Variants in WNT11 observed in about 807,000 individuals in gnomAD.
WNT11 encodes the protein Wnt family member 11.
In WNT11, 20 loss-of-function variants were observed where a neutral mutation model predicts 35.6. The ratio of observed to expected loss-of-function variants is 0.56; its 90% CI spans 0.40 to 0.82. The LOEUF is 0.82. WNT11 is among the 40% of genes least tolerant of loss of function. The pLI is 0.00. For missense variants in WNT11, 459 were observed against 504.4 expected, an observed-to-expected ratio of 0.91 and a Z score of 0.86; for synonymous variants, 200 against 211.9, an observed-to-expected ratio of 0.94 and a Z score of 0.49.
At chr11:76,210,426 C>T, upstream of WNT11, 2 of 985,352 alleles carry the variant, frequency 2.0e-6, no homozygotes, top group South Asian at 4.7e-5. Context: ...CCAGCCCTGG[C>T]GGGTCCCCGC....
chr11:76,194,960 G>A lies in WNT11; in HGVS notation c.320-116C>T. On this transcript the variant is annotated intron_variant, in intron 2 of 4. Coordinates refer to ENST00000322563, the MANE Select transcript of WNT11 (RefSeq NM_004626.3). The surrounding 1 kb of genome is among the most constrained non-coding windows in gnomAD (Gnocchi z 5.4). ...TGTAACCAAGGTGACGCCAGCAGGG[G>A]TCGGCACTAGGGCCATTGAGATGTC... is the stretch of plus-strand genomic sequence containing the variant. 1 of 1,279,414 alleles carries A rather than the reference G, an allele frequency of 7.8e-7. No homozygotes were observed. The highest frequency in any genetic ancestry group is 1.6e-5 in the South Asian group (1 of 63,616). 79.3% of individuals were successfully genotyped at this position (1,279,414 alleles called of 1,614,324 possible).
At chr11:76,199,874 T>G (rs540464900) in intron 1 of WNT11, among the ~76,000 whole-genome samples, 2 of 152,040 alleles carry the variant, frequency 1.3e-5, no homozygotes, top group South Asian at 4.2e-4. Context: ...CCAGACGGAG[T>G]GAGAAGGCCT....
Position 76,194,807 on chromosome 11 carries a change from G to C in WNT11, c.357C>G (p.Ala119=), listed in dbSNP as rs149594594. The change falls in exon 3 of 5, where the codon GCC becomes GCG. Residue 119 remains alanine (A), a synonymous_variant. Coordinates refer to ENST00000322563, the MANE Select transcript of WNT11 (RefSeq NM_004626.3). This position sits in a 1 kb window ranked among gnomAD's most constrained non-coding sequence, Gnocchi z 5.4. The stretch of plus-strand genomic sequence containing the variant: ...GGGCGATGGCGTGGCTGATGGCGGC[G>C]GCCGACAGCGCATACACGAAGGCCG... ...RESAFVYALS[A]AAISHAIARA... is the part of the protein sequence containing the mutation. 1,071 of 1,546,888 alleles carry C rather than the reference G, an allele frequency of 6.9e-4. 8 individuals are homozygous for C. In the African/African-American group the frequency reaches 0.013, roughly 19 times the overall value.
chr11:76,205,227 G>A (rs1257386954), intron 1 of WNT11, among the ~76,000 whole-genome samples: 1 of 152,188 alleles, frequency 6.6e-6, no homozygotes, highest in African/African-American at 2.4e-5. Context: ...TGCTGGCGGC[G>A]CAGCCACTAT....
chr11:76,188,191 G>T (rs1031431993), intron 4 of WNT11, among the ~76,000 whole-genome samples: 14 of 152,234 alleles, frequency 9.2e-5, no homozygotes, highest in African/African-American at 1.9e-4. Flanking sequence ...TGTGGGTCAG[G>T]CTCTCCCTCC....
intron 4 of WNT11, 86 bp downstream of exon 4, chr11:76,191,478 T>A: frequency 6.9e-7 from 1 of 1,445,544 alleles, no homozygotes; most frequent in Non-Finnish European, 9.5e-7. Context: ...GCCACCTGAG[T>A]CCCTGCTGTG....
intron 3 of WNT11, among the ~76,000 whole-genome samples, chr11:76,192,231 G>C (rs1953197034): frequency 6.6e-6 from 1 of 152,186 alleles, no homozygotes; most frequent in African/African-American, 2.4e-5. Flanking sequence ...CATGCCCAAG[G>C]GTGCAGATAG....
At chr11:76,206,269 G>A (rs1015057690) in intron 1 of WNT11, 56 bp downstream of exon 1, 2 of 1,361,338 alleles carry the variant, frequency 1.5e-6, no homozygotes, top group Non-Finnish European at 1.9e-6. Context: ...ACCCCAAAAC[G>A]CCCTCCGCCG....
chr11:76,192,220 T>A (rs1323782550), intron 3 of WNT11, among the ~76,000 whole-genome samples: 3 of 152,208 alleles, frequency 2.0e-5, no homozygotes, highest in Admixed American at 6.5e-5. Flanking sequence ...AGGCTAAGTC[T>A]CATGCCCAAG....
chr11:76,194,513 T>A lies in WNT11; in HGVS notation c.597+54A>T. 6.7e-7 allele frequency: 1 copy of A among 1,489,602 alleles called. No individual in the cohort carries two copies. Among genetic ancestry groups the A allele is most frequent in the Non-Finnish European group, 9.0e-7 (1 of 1,115,736 alleles). The allele number at this position is 1,489,602 out of a possible 1,614,324, so 92.3% of individuals were successfully genotyped here. A position where few individuals can be genotyped will look rare whatever the true frequency, so the allele number is the denominator to read the frequency against. Reference sequence around the variant, plus strand: ...ACTGGGGCAAGCTGGGTGGCCCTTTTCTGGCCAATGGCACAAGCACAACTA... The same window carrying A: ...ACTGGGGCAAGCTGGGTGGCCCTTTACTGGCCAATGGCACAAGCACAACTA... On this transcript the variant is annotated intron_variant, in intron 3 of 4. Coordinates refer to ENST00000322563, the MANE Select transcript of WNT11 (RefSeq NM_004626.3). This position sits in a 1 kb window ranked among gnomAD's most constrained non-coding sequence, Gnocchi z 5.4.
At chr11:76,198,382 G>A (rs951753193) in intron 1 of WNT11, among the ~76,000 whole-genome samples, 1 of 152,106 alleles carries the variant, frequency 6.6e-6, no homozygotes, top group Non-Finnish European at 1.5e-5. Context: ...CCTAGTCAAG[G>A]CCAAGGGCTG....
intron 1 of WNT11, among the ~76,000 whole-genome samples, chr11:76,200,809 GAGA>G (rs1331387562): frequency 3.3e-5 from 5 of 152,248 alleles, no homozygotes; most frequent in African/African-American, 1.2e-4. Flanking sequence ...ATTTTCAAAT[GAGA>G]AGGACAACGT....
At chr11:76,193,220 T>A (rs2134574966) in intron 3 of WNT11, among the ~76,000 whole-genome samples, 1 of 152,344 alleles carries the variant, frequency 6.6e-6, no homozygotes, top group East Asian at 1.9e-4. Context: ...TTAAACACGT[T>A]TGTGATCTCA....
rs368773150 is a variant in WNT11, at chr11:76,191,860, C to T, written c.598-4G>A. On this transcript the variant is annotated splice_polypyrimidine_tract_variant and splice_region_variant and intron_variant, in intron 3 of 4. Coordinates refer to ENST00000322563, the MANE Select transcript of WNT11 (RefSeq NM_004626.3). ...TTTCCAGAGAGGCGCGCAGAGCCTG[C>T]GGACAGGGGAAGGCGTCAGCTGGGT... 4.3e-5 allele frequency: 68 copies of T among 1,592,870 alleles called. No individual in the cohort carries two copies. The highest frequency in any genetic ancestry group is 5.5e-5 in the Non-Finnish European group (64 of 1,174,090).
chr11:76,209,501 C>T (rs1016729768), upstream of WNT11, among the ~76,000 whole-genome samples: 1 of 152,160 alleles, frequency 6.6e-6, no homozygotes, highest in Non-Finnish European at 1.5e-5. Context: ...GGGCGGGTCC[C>T]GAAGCCTCCC....
upstream of WNT11, among the ~76,000 whole-genome samples, chr11:76,209,035 T>C (rs923968855): frequency 5.3e-5 from 8 of 152,144 alleles, no homozygotes; most frequent in Non-Finnish European, 8.8e-5. Context: ...GGTCAAGTCC[T>C]CTTCCTGGGC....
At chr11:76,204,666 T>C (rs1051037917) in intron 1 of WNT11, among the ~76,000 whole-genome samples, 1 of 152,230 alleles carries the variant, frequency 6.6e-6, no homozygotes, top group Non-Finnish European at 1.5e-5. Flanking sequence ...CACAATGAGT[T>C]GTACCCATTT....
chr11:76,205,537 C>T (rs772022325), intron 1 of WNT11, among the ~76,000 whole-genome samples: 3 of 152,228 alleles, frequency 2.0e-5, no homozygotes, highest in Non-Finnish European at 4.4e-5. Context: ...TCCAGATTCC[C>T]GCTCTGGTTT....
At chr11:76,210,319 G>T, upstream of WNT11, 1 of 580,926 alleles carries the variant, frequency 1.7e-6, no homozygotes, top group Non-Finnish European at 2.2e-6. Context: ...GCGGGGGAAA[G>T]GTATGGAGGA....
Sources: allele counts gnomAD v4.1 joint callset (sites outside exome capture counted in the v4.1 genomes callset), GRCh38; gene constraint gnomAD v4.1.1; non-coding constraint Gnocchi (gnomAD v3.1); transcripts MANE v1.5; gene names NCBI Gene and HGNC (gene_info 2026-07-23, HGNC 2026-07-21).